RALGAPB: variants seen among roughly 807,000 people sequenced by gnomAD.
The protein encoded by RALGAPB is Ral GTPase activating protein non-catalytic subunit beta.
RALGAPB carries 25 observed loss-of-function variants against 161.1 expected under a neutral mutation model. That is an observed-to-expected ratio of 0.16 (90% CI 0.11 to 0.22). The LOEUF (loss-of-function observed/expected upper bound fraction) is 0.22. RALGAPB is among the 10% of genes least tolerant of loss of function. RALGAPB has a pLI of 1.00. For synonymous variants in RALGAPB, 629 were observed against 626.1 expected, an observed-to-expected ratio of 1.00 and a Z score of -0.07; for missense variants, 1,391 against 1,815.2, an observed-to-expected ratio of 0.77 and a Z score of 4.25.
rs753063490 is a variant in RALGAPB at position 38,551,128 on chromosome 20, G to C, written c.3067G>C (p.Val1023Leu). The stretch of plus-strand genomic sequence containing the variant: ...AAATGACGTTGGATTTAAATATTCT[G>C]TGAAACATCGGCCATTTCCTGAAGA... ...PKNDVGFKYS[V>L]KHRPFPEEVD... is the part of the protein sequence containing the mutation. The change falls in exon 21 of 30, where the codon GTG becomes CTG. Residue 1023 changes from valine (V) to leucine (L), a missense_variant. This residue lies in a region of RALGAPB where 946 missense variants were observed against 1,257.2 expected (regional missense o/e 0.75). Coordinates refer to ENST00000262879, the MANE Select transcript of RALGAPB (RefSeq NM_020336.4). 8.1e-6 allele frequency: 13 copies of C among 1,613,820 alleles called. No individual in the cohort carries two copies. The Admixed American group carries it at 2.2e-4, about 27-fold the overall frequency.
chr20:38,534,052 T>C (rs1411701297), intron 15 of RALGAPB, among the ~76,000 whole-genome samples: 1 of 148,436 alleles, frequency 6.7e-6, no homozygotes, highest in Non-Finnish European at 1.5e-5. Context: ...GGTAGGAGAC[T>C]CTCTTGAACC....
At chr20:38,526,396 C>T (rs1330293277) in intron 13 of RALGAPB, among the ~76,000 whole-genome samples, 1 of 151,958 alleles carries the variant, frequency 6.6e-6, no homozygotes. Flanking sequence ...CGTCCTCTTC[C>T]TCCTGCCTCT....
chr20:38,513,461 A>G (rs1445049030), intron 6 of RALGAPB, among the ~76,000 whole-genome samples: 2 of 118,334 alleles, frequency 1.7e-5, no homozygotes, highest in South Asian at 6.0e-4. Context: ...CCCGGGCGAC[A>G]GAGCGGCGGC....
At chr20:38,500,352 G>A (rs369177203) in intron 5 of RALGAPB, among the ~76,000 whole-genome samples, 7 of 151,958 alleles carry the variant, frequency 4.6e-5, no homozygotes, top group African/African-American at 1.7e-4. Flanking sequence ...TCATATGTTG[G>A]TAATTCTTGC....
rs2088436466 is a variant in RALGAPB, at chr20:38,576,365, T to C, written c.*1398T>C. On this transcript the variant is annotated 3_prime_UTR_variant, in exon 30 of 30. Coordinates refer to ENST00000262879, the MANE Select transcript of RALGAPB (RefSeq NM_020336.4). ...TCAGAGCTACAACCATCTGTTTGGT[T>C]TGATGTTTTGGTGGTTTACTTACGG... The C allele has an allele frequency of 6.6e-6, 1 of 152,616 alleles. No homozygotes were observed. The highest frequency in any genetic ancestry group is 1.5e-5 in the Non-Finnish European group (1 of 68,042). 9.5% of individuals were successfully genotyped at this position (152,616 alleles called of 1,614,324 possible).
chr20:38,551,523 C>G (rs1446405727), intron 21 of RALGAPB, among the ~76,000 whole-genome samples: 9 of 152,118 alleles, frequency 5.9e-5, no homozygotes, highest in Admixed American at 4.6e-4. Context: ...AGTTCAGAGA[C>G]TATTATGAGA....
At chr20:38,511,321 CTT>C (rs796611204) in intron 6 of RALGAPB, among the ~76,000 whole-genome samples, 3 of 135,630 alleles carry the variant, frequency 2.2e-5, no homozygotes, top group Non-Finnish European at 3.2e-5. Context: ...GTCTGCCTTT[CTT>C]TTTTTTTTTT....
At chr20:38,552,570 A>T (rs2087415023) in intron 21 of RALGAPB, among the ~76,000 whole-genome samples, 1 of 152,198 alleles carries the variant, frequency 6.6e-6, no homozygotes, top group Non-Finnish European at 1.5e-5. Context: ...GGGCAGTGGG[A>T]CTTACAAGTA....
At chr20:38,486,736 T>A (rs1051063076) in intron 1 of RALGAPB, among the ~76,000 whole-genome samples, 17 of 152,252 alleles carry the variant, frequency 1.1e-4, no homozygotes, top group Non-Finnish European at 2.5e-4. Flanking sequence ...TTATTTTTAC[T>A]AGTAATTAGC....
chr20:38,567,073 G>C lies in RALGAPB; in HGVS notation c.3818-23G>C, dbSNP rs771870938. The C allele has an allele frequency of 2.6e-5, 42 of 1,608,792 alleles. 1 individual carries two copies. In the East Asian group the frequency reaches 9.4e-4, roughly 36 times the overall value. On this transcript the variant is annotated intron_variant, in intron 25 of 29. Transcript: ENST00000262879. ...CAAATAAGTGGTATGTATTATAGTT[G>C]CTTTTTTTCCTTTACCCCATAGCTG... is the stretch of plus-strand genomic sequence containing the variant.
At chr20:38,479,637 CCTT>C (rs2084907733) in intron 1 of RALGAPB, among the ~76,000 whole-genome samples, 1 of 152,144 alleles carries the variant, frequency 6.6e-6, no homozygotes, top group South Asian at 2.1e-4. Context: ...GACTTCTTCC[CCTT>C]CTTCCCATTA....
intron 25 of RALGAPB, 88 bp from the exon 26 acceptor site, chr20:38,567,008 G>C: frequency 1.3e-6 from 2 of 1,507,430 alleles, no homozygotes; most frequent in Non-Finnish European, 1.8e-6. Flanking sequence ...AGTGATTTAG[G>C]TTAGACTGGT....
chr20:38,491,339 T>C (rs888858181), intron 2 of RALGAPB, among the ~76,000 whole-genome samples: 10 of 152,198 alleles, frequency 6.6e-5, no homozygotes, highest in African/African-American at 2.2e-4. Flanking sequence ...TTTTCTTTTT[T>C]TTTTTCCCCT....
chr20:38,526,724 A>C (rs1434397630), intron 13 of RALGAPB, among the ~76,000 whole-genome samples: 1 of 151,968 alleles, frequency 6.6e-6, no homozygotes, highest in Non-Finnish European at 1.5e-5. Flanking sequence ...ATGTTTTTCA[A>C]AATATATCAT....
At chr20:38,509,299 G>C in intron 6 of RALGAPB, 91 bp downstream of exon 6, 1 of 1,371,896 alleles carries the variant, frequency 7.3e-7, no homozygotes, top group East Asian at 2.3e-5. Context: ...GAATTCAGAA[G>C]GTGGACACTA....
In RALGAPB at chr20:38,504,406, A is replaced by G. The variant is rs2085688743; in HGVS notation, c.741-4671A>G. ...TGCAGAAGAATGAAACTAGACTCCT[A>G]CCTTTCACCATATACAAAAATTAAC... On this transcript the variant is annotated intron_variant, in intron 5 of 29. Transcript: ENST00000262879. Among the ~76,000 whole-genome samples, 5 of 152,296 alleles carry G rather than the reference A, an allele frequency of 3.3e-5. 1 individual carries two copies. In the South Asian group the frequency reaches 6.2e-4, roughly 19 times the overall value.
rs2088467612 is a variant in RALGAPB at position 38,577,132 on chromosome 20, G to A, written c.*2165G>A. ...AAGGCATGAAACTCCCAGTGTGTAC[G>A]GAGCCAGTGGAATATGGGATACCCA... is the stretch of plus-strand genomic sequence containing the variant. On this transcript the variant is annotated 3_prime_UTR_variant, in exon 30 of 30. Coordinates refer to ENST00000262879, the MANE Select transcript of RALGAPB (RefSeq NM_020336.4). 1.3e-5 allele frequency: 2 copies of A among 152,152 alleles called. No individual in the cohort carries two copies. The highest frequency in any genetic ancestry group is 6.5e-5 in the Admixed American group (1 of 15,272). The allele number at this position is 152,152 out of a possible 1,614,324, so 9.4% of individuals were successfully genotyped here.
chr20:38,537,783 G>A (rs2086851956), intron 16 of RALGAPB: 2 of 152,134 alleles, frequency 1.3e-5, no homozygotes, highest in Admixed American at 1.3e-4. Flanking sequence ...TCTAAGAAGA[G>A]GAAGTTTGAT....
chr20:38,553,803 A>T, intron 21 of RALGAPB, 64 bp from the exon 22 acceptor site: 5 of 886,876 alleles, frequency 5.6e-6, no homozygotes, highest in Non-Finnish European at 8.5e-6. Context: ...AAAAAAAAAC[A>T]CTTAAGATTG....
Sources: gnomAD v4.1 joint callset for allele counts (sites outside exome capture counted in the v4.1 genomes callset) on GRCh38, gnomAD v4.1.1 for gene constraint, gnomAD v4.1.1 regional missense constraint, MANE v1.5 for transcripts, NCBI Gene and HGNC (gene_info 2026-07-23, HGNC 2026-07-21) for gene names.